ADGRV1: variants seen among roughly 807,000 people sequenced by gnomAD.
The protein encoded by ADGRV1 is adhesion G protein-coupled receptor V1, also known as G-protein coupled receptor 98.
Under a neutral mutation model 596.2 loss-of-function variants are expected in ADGRV1, and 359 were observed. The ratio of observed to expected loss-of-function variants is 0.60; its 90% CI spans 0.55 to 0.66. ADGRV1 has a LOEUF of 0.66. Ranked by LOEUF, ADGRV1 falls within the 30% of genes least tolerant of loss-of-function variation. The pLI, the probability that ADGRV1 is intolerant of heterozygous loss-of-function variation, is 0.00. For missense variants in ADGRV1, 7,274 were observed against 7,575.6 expected (o/e 0.96, Z 1.48); for synonymous variants, 2,681 against 2,679.2 (o/e 1.00, Z -0.02).
At chr5:91,108,036 A>G (rs141037564) in intron 87 of ADGRV1, among the ~76,000 whole-genome samples, 54 of 152,312 alleles carry the variant, frequency 3.5e-4, no homozygotes, top group African/African-American at 1.2e-3. Flanking sequence ...TCCAGGTGAC[A>G]TTACTGAAGC....
In ADGRV1 at chr5:90,724,818, T is replaced by C. The variant is rs1196732995; in HGVS notation, c.9749-14T>C. Reference sequence around the variant, plus strand: ...GGAGTAATAAACTAGTAAACCATGATTTGTGTTTTTCAGGGGGAATGGATG... The same window carrying C: ...GGAGTAATAAACTAGTAAACCATGACTTGTGTTTTTCAGGGGGAATGGATG... On this transcript the variant is annotated splice_polypyrimidine_tract_variant and intron_variant, in intron 45 of 89. Transcript: ENST00000405460. 1.2e-6 allele frequency: 2 copies of C among 1,611,162 alleles called. No individual in the cohort carries two copies. Among genetic ancestry groups the C allele is most frequent in the Non-Finnish European group, 1.7e-6 (2 of 1,177,856 alleles).
At chr5:90,673,788 G>T (rs1473058008) in intron 22 of ADGRV1, among the ~76,000 whole-genome samples, 1 of 152,074 alleles carries the variant, frequency 6.6e-6, no homozygotes, top group Non-Finnish European at 1.5e-5. Flanking sequence ...TAGGAATTTG[G>T]GGGACAGGAG....
intron 87 of ADGRV1, among the ~76,000 whole-genome samples, chr5:91,147,856 A>G (rs966750575): frequency 1.3e-5 from 2 of 152,192 alleles, no homozygotes; most frequent in African/African-American, 4.8e-5. Flanking sequence ...AATGTGGAAA[A>G]GTGTGGAACT....
intron 62 of ADGRV1, 51 bp downstream of exon 62, chr5:90,778,094 T>C: frequency 1.3e-6 from 2 of 1,512,136 alleles, no homozygotes; most frequent in Non-Finnish European, 1.8e-6. Context: ...TGTGCTGGTG[T>C]GTGCACATGT....
chr5:91,111,213 TTC>T (rs968032952), intron 87 of ADGRV1, among the ~76,000 whole-genome samples: 49 of 152,090 alleles, frequency 3.2e-4, no homozygotes, highest in African/African-American at 1.0e-3. Flanking sequence ...TAACAAACAG[TTC>T]TCTCTCTCTC....
At chr5:90,605,058 T>C (rs13356291) in intron 1 of ADGRV1, among the ~76,000 whole-genome samples, 2,235 of 152,256 alleles carry the variant, frequency 0.015, 48 homozygotes, top group African/African-American at 0.051. Context: ...TGATGACTCA[T>C]GCAAACGGGA....
chr5:90,979,479 C>T (rs77607236), intron 84 of ADGRV1, among the ~76,000 whole-genome samples: 1,715 of 152,124 alleles, frequency 0.011, 43 homozygotes, highest in African/African-American at 0.04. Flanking sequence ...CTATTTGTGT[C>T]AATTTATATG....
intron 78 of ADGRV1, among the ~76,000 whole-genome samples, chr5:90,846,893 G>C (rs1765938559): frequency 6.6e-6 from 1 of 152,078 alleles, no homozygotes; most frequent in African/African-American, 2.4e-5. Context: ...ATTTTGACAG[G>C]GTGCTGACTG....
intron 81 of ADGRV1, 52 bp downstream of exon 81, chr5:90,854,253 T>C: frequency 7.3e-7 from 1 of 1,377,744 alleles, no homozygotes; most frequent in Non-Finnish European, 9.8e-7. Flanking sequence ...CCCATTTCGG[T>C]ACCACTGAGC....
intron 77 of ADGRV1, among the ~76,000 whole-genome samples, chr5:90,834,564 CTT>C (rs572952573): frequency 2.8e-5 from 4 of 145,314 alleles, no homozygotes; most frequent in African/African-American, 1.0e-4. Context: ...TTTTAGGATT[CTT>C]TTTTTTTTTT....
intron 86 of ADGRV1, among the ~76,000 whole-genome samples, chr5:91,079,170 C>T (rs1346769094): frequency 1.3e-5 from 2 of 152,120 alleles, no homozygotes; most frequent in Non-Finnish European, 2.9e-5. Flanking sequence ...TGCCTGTTTG[C>T]AGTCTACTCC....
intron 59 of ADGRV1, among the ~76,000 whole-genome samples, chr5:90,773,850 G>T (rs539075783): frequency 6.6e-6 from 1 of 152,242 alleles, no homozygotes; most frequent in South Asian, 2.1e-4. Flanking sequence ...CCTTTGAATG[G>T]AGCTGTTTCT....
chr5:91,120,702 G>A (rs1582118593), intron 87 of ADGRV1, among the ~76,000 whole-genome samples: 1 of 152,106 alleles, frequency 6.6e-6, no homozygotes, highest in Non-Finnish European at 1.5e-5. Flanking sequence ...GACATTCGGG[G>A]CCTGTTCTAG....
At chr5:90,960,129 ACTCAT>A (rs1185171151) in intron 83 of ADGRV1, among the ~76,000 whole-genome samples, 21 of 133,300 alleles carry the variant, frequency 1.6e-4, no homozygotes, top group Non-Finnish European at 3.3e-4. Flanking sequence ...ACAGACCGAG[ACTCAT>A]CTCAAAAAAA....
At chr5:90,914,849 A>G (rs1230063318) in intron 83 of ADGRV1, among the ~76,000 whole-genome samples, 1 of 152,166 alleles carries the variant, frequency 6.6e-6, no homozygotes, top group African/African-American at 2.4e-5. Flanking sequence ...AATGGAATAT[A>G]TGTTAATTGC....
chr5:90,559,890 A>C (rs1488872998), intron 1 of ADGRV1, among the ~76,000 whole-genome samples: 3 of 151,910 alleles, frequency 2.0e-5, no homozygotes, highest in Non-Finnish European at 4.4e-5. Context: ...AACAACAAAA[A>C]CCCCCAAAAG....
rs79322061 is a variant in ADGRV1 at position 91,043,637 on chromosome 5, G to C, written c.18153-28810G>C. On this transcript the variant is annotated intron_variant, in intron 85 of 89. Transcript: ENST00000405460. ...TTATAATTCTAGTAATTACCTCTTA[G>C]GATTATTGTGAGGATTAAATAAGTT... Among the ~76,000 whole-genome samples, 1,405 of 152,160 alleles carry C rather than the reference G, an allele frequency of 9.2e-3. 23 individuals carry two copies. The highest frequency in any genetic ancestry group is 0.032 in the African/African-American group (1,331 of 41,516).
At chr5:90,986,990 A>G (rs1032290244) in intron 85 of ADGRV1, among the ~76,000 whole-genome samples, 2 of 152,220 alleles carry the variant, frequency 1.3e-5, no homozygotes, top group Non-Finnish European at 2.9e-5. Flanking sequence ...TGTAATATTA[A>G]TTAGAAAAAA....
At position 90,978,295 on chromosome 5, in the gene ADGRV1, A is replaced by AAAATAAATAAATAAATAAATAAAT. The variant is rs10529732; in HGVS notation, c.17974-7043_17974-7020dup. ...GGGGGACAGAGCGAGACTTCATCTCAAAATAAATAAATAAATAAATAAATA... is the reference window on the plus strand; with the variant it reads ...GGGGGACAGAGCGAGACTTCATCTCAAAATAAATAAATAAATAAATAAATAAATAAATAAATAAATAAATAAATA... On this transcript the variant is annotated intron_variant, in intron 84 of 89. Transcript: ENST00000405460. 5.3e-4 allele frequency among the ~76,000 whole-genome samples: 79 copies of AAAATAAATAAATAAATAAATAAAT among 148,580 alleles called. 1 individual carries two copies. Among genetic ancestry groups the AAAATAAATAAATAAATAAATAAAT allele is most frequent in the African/African-American group, 1.9e-3 (75 of 39,994 alleles).
Sources: gnomAD v4.1 joint callset for allele counts (sites outside exome capture counted in the v4.1 genomes callset) on GRCh38, gnomAD v4.1.1 for gene constraint, MANE v1.5 for transcripts, NCBI Gene and HGNC (gene_info 2026-07-23, HGNC 2026-07-21) for gene names.